Variants in TMEFF2 observed in about 807,000 individuals in gnomAD.
TMEFF2 encodes the protein transmembrane protein with EGF like and two follistatin like domains 2.
Under a neutral mutation model 53.8 loss-of-function variants are expected in TMEFF2, and 28 were observed. The ratio of observed to expected loss-of-function variants is 0.52; its 90% CI spans 0.39 to 0.71. The LOEUF (loss-of-function observed/expected upper bound fraction) is 0.71, where lower values mean the gene tolerates loss of function less well. Ranked by LOEUF, TMEFF2 falls within the 30% of genes least tolerant of loss-of-function variation. The pLI is 0.00. For missense variants in TMEFF2, 353 were observed against 455.2 expected (o/e 0.78, Z 2.04); for synonymous variants, 162 against 166.3 (o/e 0.97, Z 0.20).
rs1396794468 is a variant in TMEFF2, at chr2:191,949,640, A to G, written c.*671T>C. On this transcript the variant is annotated 3_prime_UTR_variant, in exon 10 of 10. Coordinates refer to ENST00000272771, the MANE Select transcript of TMEFF2 (RefSeq NM_016192.4). ...TAAGCTACTTCCCCAATAAAAACCA[A>G]TATTTTCTTTCCCTCTCCTTTATGA... is the stretch of plus-strand genomic sequence containing the variant. 4 of 985,140 alleles carry G rather than the reference A, an allele frequency of 4.1e-6. No homozygotes were observed. The highest frequency in any genetic ancestry group is 4.7e-5 in the South Asian group (1 of 21,284). The allele number at this position is 985,140 out of a possible 1,614,324, so 61.0% of individuals were successfully genotyped here.
intron 8 of TMEFF2, among the ~76,000 whole-genome samples, chr2:191,954,269 T>C (rs1691994551): frequency 1.3e-5 from 2 of 152,204 alleles, no homozygotes; most frequent in African/African-American, 4.8e-5. Flanking sequence ...TAAATAAATA[T>C]TACTTTGTGG....
At chr2:192,012,048 G>A (rs970549990) in intron 5 of TMEFF2, among the ~76,000 whole-genome samples, 9 of 151,726 alleles carry the variant, frequency 5.9e-5, no homozygotes, top group South Asian at 2.1e-4. Flanking sequence ...GACCTCGCCC[G>A]GCCCACCACC....
At chr2:192,051,241 T>TTTC (rs71033657) in intron 5 of TMEFF2, among the ~76,000 whole-genome samples, 4 of 151,080 alleles carry the variant, frequency 2.6e-5, no homozygotes, top group Non-Finnish European at 5.9e-5. Flanking sequence ...TTTTTTTTTT[T>TTTC]CATTGTCTCC....
intron 4 of TMEFF2, among the ~76,000 whole-genome samples, chr2:192,090,776 T>G (rs1341227901): frequency 2.0e-5 from 3 of 152,138 alleles, no homozygotes; most frequent in African/African-American, 7.2e-5. Flanking sequence ...ATGCCACAGG[T>G]AGTTGAACAG....
intron 7 of TMEFF2, among the ~76,000 whole-genome samples, chr2:191,981,734 C>G (rs1400585324): frequency 6.6e-6 from 1 of 152,076 alleles, no homozygotes; most frequent in Non-Finnish European, 1.5e-5. Flanking sequence ...CCCTGAATTT[C>G]CTTATTTCCA....
At chr2:192,166,056 C>T (rs1690757945) in intron 4 of TMEFF2, among the ~76,000 whole-genome samples, 2 of 152,120 alleles carry the variant, frequency 1.3e-5, no homozygotes, top group Non-Finnish European at 1.5e-5. Flanking sequence ...GGAAAAGGCA[C>T]CTGTTTCTAG....
intron 5 of TMEFF2, among the ~76,000 whole-genome samples, chr2:192,053,466 AATT>A (rs1687822622): frequency 1.8e-5 from 1 of 54,434 alleles, no homozygotes; most frequent in Non-Finnish European, 5.5e-5. Context: ...AAAGATCAGG[AATT>A]AATTTTTCAC....
At chr2:191,993,193 A>AT (rs1686147709) in intron 7 of TMEFF2, among the ~76,000 whole-genome samples, 1 of 152,066 alleles carries the variant, frequency 6.6e-6, no homozygotes, top group African/African-American at 2.4e-5. Flanking sequence ...CACTTAAACT[A>AT]TCTAGATACC....
chr2:192,161,307 C>A (rs533044843), intron 4 of TMEFF2, among the ~76,000 whole-genome samples: 16 of 152,066 alleles, frequency 1.1e-4, no homozygotes, highest in Admixed American at 6.6e-4. Flanking sequence ...AGGCACCCAC[C>A]ACCATGCAGA....
chr2:192,134,422 G>C (rs1406099861), intron 4 of TMEFF2, among the ~76,000 whole-genome samples: 2 of 151,960 alleles, frequency 1.3e-5, no homozygotes, highest in African/African-American at 2.4e-5. Context: ...AGGCCTAATC[G>C]CCACACACCA....
chr2:192,175,643 C>T lies in TMEFF2; in HGVS notation c.439+4025G>A, dbSNP rs575048164. On this transcript the variant is annotated intron_variant, in intron 4 of 9. Coordinates refer to ENST00000272771, the MANE Select transcript of TMEFF2 (RefSeq NM_016192.4). ...ATATATAAATTGTATAAGTAAGTTC[C>T]GTGCTTCCTTTTATCTCATGAAATA... is the stretch of plus-strand genomic sequence containing the variant. Among the ~76,000 whole-genome samples the T allele has an allele frequency of 5.9e-4, 90 of 151,314 alleles. 1 individual carries two copies. In the South Asian group the frequency reaches 0.016, roughly 27 times the overall value.
chr2:192,002,272 G>C (rs1235528316), intron 5 of TMEFF2, among the ~76,000 whole-genome samples: 3 of 152,076 alleles, frequency 2.0e-5, no homozygotes, highest in Non-Finnish European at 2.9e-5. Flanking sequence ...TTCATTCCTT[G>C]AGGTGAAAGT....
chr2:191,968,862 A>G (rs1692541942), intron 7 of TMEFF2, among the ~76,000 whole-genome samples: 1 of 152,090 alleles, frequency 6.6e-6, no homozygotes, highest in Admixed American at 6.5e-5. Context: ...GGCATCTCCA[A>G]ATTTTTAACA....
chr2:192,107,812 A>C (rs1689184734), intron 4 of TMEFF2, among the ~76,000 whole-genome samples: 1 of 151,826 alleles, frequency 6.6e-6, no homozygotes, highest in Non-Finnish European at 1.5e-5. Flanking sequence ...AAATTGACTC[A>C]GTATGTCAGT....
chr2:191,950,160 C>CAAAT lies in TMEFF2; in HGVS notation c.*147_*150dup. Reference sequence around the variant, plus strand: ...TATTTCAAATATATCCATACATAATCAAATATAGCTGTAGTACATGTTTTC... The same window carrying CAAAT: ...TATTTCAAATATATCCATACATAATCAAATAAATATAGCTGTAGTACATGTTTTC... On this transcript the variant is annotated 3_prime_UTR_variant, in exon 10 of 10. Transcript: ENST00000272771. The CAAAT allele has an allele frequency of 7.0e-7, 1 of 1,435,902 alleles. No homozygotes were observed. Among genetic ancestry groups the CAAAT allele is most frequent in the Middle Eastern group, 2.2e-4 (1 of 4,620 alleles). 88.9% of individuals were successfully genotyped at this position (1,435,902 alleles called of 1,614,324 possible). A position where few individuals can be genotyped will look rare whatever the true frequency, so the allele number is the denominator to read the frequency against.
intron 4 of TMEFF2, among the ~76,000 whole-genome samples, chr2:192,125,553 TA>T (rs1158817570): frequency 6.6e-6 from 1 of 152,166 alleles, no homozygotes; most frequent in African/African-American, 2.4e-5. Flanking sequence ...AAAAATAAAG[TA>T]TTTAAGAGAA....
intron 5 of TMEFF2, among the ~76,000 whole-genome samples, chr2:192,022,990 T>C (rs1686890440): frequency 6.6e-6 from 1 of 152,000 alleles, no homozygotes; most frequent in Non-Finnish European, 1.5e-5. Context: ...AGAAAAGACA[T>C]TGAAGATTTT....
At chr2:192,096,621 ATTTC>A (rs971114314) in intron 4 of TMEFF2, among the ~76,000 whole-genome samples, 3 of 123,924 alleles carry the variant, frequency 2.4e-5, no homozygotes, top group African/African-American at 9.3e-5. Context: ...TTTTAGTGCT[ATTTC>A]TTTTTTTCTT....
At chr2:192,117,847 G>A (rs1689451359) in intron 4 of TMEFF2, among the ~76,000 whole-genome samples, 1 of 151,792 alleles carries the variant, frequency 6.6e-6, no homozygotes, top group Non-Finnish European at 1.5e-5. Flanking sequence ...AGTAACCAAT[G>A]GGAAACCTCT....
Sources: gnomAD v4.1 joint callset for allele counts (sites outside exome capture counted in the v4.1 genomes callset) on GRCh38, gnomAD v4.1.1 for gene constraint, MANE v1.5 for transcripts, NCBI Gene and HGNC (gene_info 2026-07-23, HGNC 2026-07-21) for gene names.